Variants in CLSTN2 observed in about 807,000 individuals in gnomAD.
The protein encoded by CLSTN2 is calsyntenin-2.
Under a neutral mutation model 101.2 loss-of-function variants are expected in CLSTN2, and 48 were observed. That is an observed-to-expected ratio of 0.47 (90% CI 0.38 to 0.60). The LOEUF (loss-of-function observed/expected upper bound fraction) is 0.60. Ranked by LOEUF, CLSTN2 falls within the 20% of genes least tolerant of loss-of-function variation. The pLI is 0.00. For missense variants in CLSTN2, 1,160 were observed against 1,238.2 expected, an observed-to-expected ratio of 0.94 and a Z score of 0.95; for synonymous variants, 481 against 463.6, an observed-to-expected ratio of 1.04 and a Z score of -0.48.
At chr3:140,183,963 G>A (rs370371221) in intron 2 of CLSTN2, among the ~76,000 whole-genome samples, 7 of 152,288 alleles carry the variant, frequency 4.6e-5, no homozygotes, top group Non-Finnish European at 1.0e-4. Context: ...CAAAACTTAT[G>A]AGCATCAAAC....
intron 8 of CLSTN2, among the ~76,000 whole-genome samples, chr3:140,511,427 C>G (rs1336172683): frequency 1.3e-5 from 2 of 149,858 alleles, no homozygotes; most frequent in Middle Eastern, 3.4e-3. Context: ...GCCTCTAGAT[C>G]TTTGAGGAAT....
chr3:140,310,311 C>T (rs2087154956), intron 2 of CLSTN2, among the ~76,000 whole-genome samples: 4 of 151,502 alleles, frequency 2.6e-5, no homozygotes, highest in South Asian at 2.1e-4. Context: ...GTTTGGCTGG[C>T]CCCACCCATC....
intron 2 of CLSTN2, among the ~76,000 whole-genome samples, chr3:140,328,706 C>T (rs1364832578): frequency 1.3e-5 from 2 of 152,156 alleles, no homozygotes; most frequent in African/African-American, 4.8e-5. Flanking sequence ...TGAACCCTGG[C>T]TCTATCACTG....
rs536336114 is a variant in CLSTN2 at position 139,960,462 on chromosome 3, C to G, written c.109+24979C>G. Among the ~76,000 whole-genome samples, 10 of 152,254 alleles carry G rather than the reference C, an allele frequency of 6.6e-5. No individual in the cohort carries two copies. The South Asian group carries it at 1.7e-3, about 25-fold the overall frequency. On this transcript the variant is annotated intron_variant, in intron 1 of 16. Coordinates refer to ENST00000458420, the MANE Select transcript of CLSTN2 (RefSeq NM_022131.3). ...AAAAGCTTTGGTGGCTTCCTATTAC[C>G]TAGAAGAGTATCAAAGATGGAATCT... is the stretch of plus-strand genomic sequence containing the variant.
At chr3:140,119,274 C>A (rs1450034565) in intron 1 of CLSTN2, among the ~76,000 whole-genome samples, 2 of 152,308 alleles carry the variant, frequency 1.3e-5, no homozygotes, top group East Asian at 3.9e-4. Flanking sequence ...AACAGTCAAC[C>A]AGTAATTGGT....
At chr3:140,357,685 T>C (rs1489014805) in intron 2 of CLSTN2, among the ~76,000 whole-genome samples, 1 of 152,140 alleles carries the variant, frequency 6.6e-6, no homozygotes, top group East Asian at 1.9e-4. Context: ...GACTCCACTA[T>C]CTGTCTCATT....
intron 2 of CLSTN2, among the ~76,000 whole-genome samples, chr3:140,310,540 G>T (rs1442773879): frequency 6.6e-6 from 1 of 152,150 alleles, no homozygotes; most frequent in South Asian, 2.1e-4. Flanking sequence ...AGTCAGGGTG[G>T]CATTTCTGGG....
intron 1 of CLSTN2, among the ~76,000 whole-genome samples, chr3:140,063,755 C>T (rs1346259365): frequency 6.6e-6 from 1 of 152,092 alleles, no homozygotes; most frequent in African/African-American, 2.4e-5. Flanking sequence ...GTAGGAGGGG[C>T]CATCTTGCAC....
intron 5 of CLSTN2, among the ~76,000 whole-genome samples, chr3:140,430,617 G>A (rs780453217): frequency 6.6e-6 from 1 of 151,930 alleles, no homozygotes; most frequent in African/African-American, 2.4e-5. Flanking sequence ...TACAGAAAAA[G>A]TTTCGTGACC....
At chr3:140,373,930 C>G (rs977317201) in intron 2 of CLSTN2, among the ~76,000 whole-genome samples, 4 of 152,198 alleles carry the variant, frequency 2.6e-5, no homozygotes, top group Non-Finnish European at 5.9e-5. Context: ...CTGCACTCTT[C>G]CCTTCCTGAA....
intron 1 of CLSTN2, among the ~76,000 whole-genome samples, chr3:139,975,824 C>CAGCTGCCACAACACAGG (rs1935807132): frequency 6.6e-6 from 1 of 152,170 alleles, no homozygotes; most frequent in Non-Finnish European, 1.5e-5. Flanking sequence ...GCCATGGCAA[C>CAGCTGCCACAACACAGG]AGCTGCCACA....
At chr3:140,532,816 G>T (rs1474629522) in intron 9 of CLSTN2, among the ~76,000 whole-genome samples, 1 of 152,192 alleles carries the variant, frequency 6.6e-6, no homozygotes, top group East Asian at 1.9e-4. Flanking sequence ...AGAATCTTGT[G>T]TTCAAACTTC....
At chr3:140,142,605 T>C (rs1032248209) in intron 1 of CLSTN2, among the ~76,000 whole-genome samples, 1 of 152,254 alleles carries the variant, frequency 6.6e-6, no homozygotes, top group African/African-American at 2.4e-5. Flanking sequence ...TGTTGGTTTT[T>C]CTTCTTATTT....
chr3:140,244,026 G>T (rs971255336), intron 2 of CLSTN2, among the ~76,000 whole-genome samples: 1 of 152,194 alleles, frequency 6.6e-6, no homozygotes. Context: ...GTCAGGAGTT[G>T]TGTCTGTTTG....
rs140367153 is a variant in CLSTN2, at chr3:140,201,415, C to A, written c.232+25342C>A. Among the ~76,000 whole-genome samples the A allele has an allele frequency of 1.0e-3, 153 of 152,074 alleles. 1 individual carries two copies. Among genetic ancestry groups the A allele is most frequent in the African/African-American group, 3.5e-3 (147 of 41,450 alleles). On this transcript the variant is annotated intron_variant, in intron 2 of 16. Coordinates refer to ENST00000458420, the MANE Select transcript of CLSTN2 (RefSeq NM_022131.3). The stretch of plus-strand genomic sequence containing the variant: ...GTCTCATGTGTAGGGGAAGTAGGAG[C>A]AACAATGAGAGAAGAGCACTGGGAC...
intron 5 of CLSTN2, among the ~76,000 whole-genome samples, chr3:140,442,139 C>T (rs896026747): frequency 6.6e-6 from 1 of 152,052 alleles, no homozygotes; most frequent in Non-Finnish European, 1.5e-5. Flanking sequence ...CCTTACTGAC[C>T]CTGGAGGGAC....
intron 1 of CLSTN2, among the ~76,000 whole-genome samples, chr3:140,052,937 C>T (rs2008025314): frequency 6.6e-6 from 1 of 152,214 alleles, no homozygotes; most frequent in African/African-American, 2.4e-5. Flanking sequence ...CACATTGTTT[C>T]TCCCCCATGC....
intron 6 of CLSTN2, 58 bp downstream of exon 6, chr3:140,448,762 A>C: frequency 7.1e-7 from 1 of 1,413,740 alleles, no homozygotes; most frequent in Non-Finnish European, 9.9e-7. Context: ...ATGTATACCA[A>C]AAAAGCATAT....
chr3:139,994,716 T>G (rs1936172470), intron 1 of CLSTN2, among the ~76,000 whole-genome samples: 1 of 152,188 alleles, frequency 6.6e-6, no homozygotes. Flanking sequence ...CCCCTGAATA[T>G]TTCCTGTTGC....
Sources: allele counts gnomAD v4.1 joint callset (sites outside exome capture counted in the v4.1 genomes callset), GRCh38; gene constraint gnomAD v4.1.1; transcripts MANE v1.5; gene names NCBI Gene and HGNC (gene_info 2026-07-23, HGNC 2026-07-21).